The following EIF4E3 variants were observed in gnomAD, a reference collection of about 807,000 sequenced individuals.
EIF4E3 encodes eukaryotic translation initiation factor 4E type 3.
EIF4E3 carries 26 observed loss-of-function variants against 31.7 expected under a neutral mutation model. The observed-to-expected ratio is 0.82, with a 90% CI of 0.60 to 1.14. The LOEUF (loss-of-function observed/expected upper bound fraction) is 1.14, where lower values mean the gene tolerates loss of function less well. EIF4E3 is among the 50% of genes most tolerant of loss of function. EIF4E3 has a pLI of 0.00. For missense variants in EIF4E3, 304 were observed against 270.9 expected (o/e 1.12, Z -0.86); for synonymous variants, 128 against 107.7 (o/e 1.19, Z -1.17).
the EIF4E3 span, among the ~76,000 whole-genome samples, chr3:71,667,572 G>T: frequency 3.3e-5 from 5 of 152,052 alleles, no homozygotes; most frequent in Admixed American, 2.6e-4. Flanking sequence ...ATACAAAATC[G>T]ATGTGCAAAA....
rs1193205498 is a variant in EIF4E3 at position 71,725,293 on chromosome 3, G to GGCA, written c.72_74dup (p.Ala27dup). The GGCA allele has an allele frequency of 1.0e-6, 1 of 1,000,564 alleles. No individual in the cohort carries two copies. Among genetic ancestry groups the GGCA allele is most frequent in the African/African-American group, 1.8e-5 (1 of 56,890 alleles). The allele number at this position is 1,000,564 out of a possible 1,614,324, so 62.0% of individuals were successfully genotyped here. A position where few individuals can be genotyped will look rare whatever the true frequency, so the allele number is the denominator to read the frequency against. On this transcript the variant is annotated inframe_insertion, in exon 1 of 7. Coordinates refer to ENST00000425534, the MANE Select transcript of EIF4E3 (RefSeq NM_001134651.2). This position sits in a 1 kb window ranked among gnomAD's most constrained non-coding sequence, Gnocchi z 6.1. ...GGCCGAGCGGCGGCTCGGGGGCGGC[G>GGCA]GCAGCGGCGGCGGCGCGGGACCCCG...
the EIF4E3 span, among the ~76,000 whole-genome samples, chr3:71,665,807 A>C: frequency 6.6e-5 from 10 of 152,220 alleles, no homozygotes; most frequent in Non-Finnish European, 1.0e-4. Flanking sequence ...ACTGAAAACC[A>C]CACAACTACA....
chr3:71,704,784 A>G (rs1578352812), intron 2 of EIF4E3, among the ~76,000 whole-genome samples: 1 of 152,206 alleles, frequency 6.6e-6, no homozygotes. Flanking sequence ...ATTAGAAGAG[A>G]CCCAGTTTCA....
In EIF4E3 at chr3:71,705,032, C is replaced by A. The variant is rs115690877; in HGVS notation, c.250-5324G>T. 8.6e-3 allele frequency among the ~76,000 whole-genome samples: 1,313 copies of A among 152,300 alleles called. 16 individuals are homozygous for A. The highest frequency in any genetic ancestry group is 0.03 in the African/African-American group (1,252 of 41,534). On this transcript the variant is annotated intron_variant, in intron 2 of 6. Coordinates refer to ENST00000425534, the MANE Select transcript of EIF4E3 (RefSeq NM_001134651.2). ...GATGCAAAGTCTGTGCTAGACAGAA[C>A]TATGAAGTGGACCTGGCTGCAGGTC...
chr3:71,754,703 C>A, upstream of EIF4E3: 1 of 1,489,086 alleles, frequency 6.7e-7, no homozygotes, highest in Admixed American at 2.1e-5. This position sits in a 1 kb window ranked among gnomAD's most constrained non-coding sequence, Gnocchi z 5.8. Flanking sequence ...GGCCCGCGCG[C>A]CTGGTGCCCG....
At chr3:71,727,038 C>A (rs575556515), upstream of EIF4E3, among the ~76,000 whole-genome samples, 6 of 152,082 alleles carry the variant, frequency 3.9e-5, no homozygotes, top group Admixed American at 1.3e-4. Context: ...TTAAGATAAC[C>A]CCAAGGTCAC....
At chr3:71,671,617 G>T (rs914709911), downstream of EIF4E3, among the ~76,000 whole-genome samples, 9 of 152,074 alleles carry the variant, frequency 5.9e-5, no homozygotes, top group African/African-American at 2.2e-4. Context: ...ACTTCACTCC[G>T]CATACTTAAC....
chr3:71,703,004 G>T (rs1461515766), intron 2 of EIF4E3, among the ~76,000 whole-genome samples: 2 of 152,204 alleles, frequency 1.3e-5, no homozygotes, highest in Non-Finnish European at 2.9e-5. Context: ...ATAGATTTCA[G>T]AAGCCTTTAG....
intron 1 of EIF4E3, among the ~76,000 whole-genome samples, chr3:71,739,477 C>A (rs2049798278): frequency 6.6e-6 from 1 of 151,954 alleles, no homozygotes; most frequent in Non-Finnish European, 1.5e-5. Context: ...CAGAGGATCA[C>A]CTGAGGCTAT....
chr3:71,717,851 T>C (rs779150901), intron 1 of EIF4E3, among the ~76,000 whole-genome samples: 5 of 152,250 alleles, frequency 3.3e-5, no homozygotes, highest in Non-Finnish European at 7.3e-5. Context: ...TGGATAATTA[T>C]GTACAGTATC....
the EIF4E3 span, among the ~76,000 whole-genome samples, chr3:71,659,531 C>T: frequency 6.6e-6 from 1 of 152,156 alleles, no homozygotes; most frequent in Non-Finnish European, 1.5e-5. Flanking sequence ...CTGAATGGGC[C>T]ATGAGTTGAG....
At chr3:71,742,130 T>A (rs1204702960) in intron 1 of EIF4E3, among the ~76,000 whole-genome samples, 1 of 151,750 alleles carries the variant, frequency 6.6e-6, no homozygotes, top group African/African-American at 2.4e-5. Context: ...ATTAAATAGA[T>A]CAAAGGAGAT....
intron 2 of EIF4E3, among the ~76,000 whole-genome samples, chr3:71,702,084 T>G (rs1005920146): frequency 6.6e-6 from 1 of 152,210 alleles, no homozygotes. Context: ...TCAGCTATTT[T>G]CTTCGAAGAT....
In EIF4E3 at chr3:71,684,224, A is replaced by G; in HGVS notation, c.*458T>C. On this transcript the variant is annotated 3_prime_UTR_variant, in exon 7 of 7. Transcript: ENST00000425534. ...ATCAGAAGACAGATTTCTCCAAGCT[A>G]GTGTTCCTCCTTGTACAGTGTGGTA... is the stretch of plus-strand genomic sequence containing the variant. 1 of 153,660 alleles carries G rather than the reference A, an allele frequency of 6.5e-6. No individual in the cohort carries two copies. Among genetic ancestry groups the G allele is most frequent in the East Asian group, 1.9e-4 (1 of 5,222 alleles). 9.5% of individuals were successfully genotyped at this position (153,660 alleles called of 1,614,324 possible).
upstream of EIF4E3, chr3:71,754,283 G>T (rs1471102463): frequency 3.4e-6 from 4 of 1,159,686 alleles, no homozygotes; most frequent in African/African-American, 3.3e-5. This position sits in a 1 kb window ranked among gnomAD's most constrained non-coding sequence, Gnocchi z 5.8. Flanking sequence ...TCATGCTGGC[G>T]GCGCGGCGTG....
At position 71,679,538 on chromosome 3, in the gene EIF4E3, G is replaced by A. The variant is rs1297293640; in HGVS notation, c.*5144C>T. ...ACACAAAAGCATAGAATATCCAAAA[G>A]CTATTGTATTGGATATTCTAATAAG... On this transcript the variant is annotated 3_prime_UTR_variant, in exon 7 of 7. Transcript: ENST00000425534. 1.3e-5 allele frequency: 2 copies of A among 151,986 alleles called. No homozygotes were observed. Among genetic ancestry groups the A allele is most frequent in the African/African-American group, 4.8e-5 (2 of 41,364 alleles). The allele number at this position is 151,986 out of a possible 1,614,324, so 9.4% of individuals were successfully genotyped here.
At chr3:71,720,437 C>T (rs559475521) in intron 1 of EIF4E3, among the ~76,000 whole-genome samples, 22 of 152,196 alleles carry the variant, frequency 1.4e-4, no homozygotes, top group Non-Finnish European at 4.4e-5. Flanking sequence ...TCAAGAGATC[C>T]TCCCTCCTCA....
chr3:71,739,023 T>A (rs2049793867), intron 1 of EIF4E3, among the ~76,000 whole-genome samples: 1 of 136,270 alleles, frequency 7.3e-6, no homozygotes, highest in Non-Finnish European at 1.6e-5. Context: ...AAAAAGGAAG[T>A]CTCAAAGAAA....
At chr3:71,672,205 C>A (rs1441098153), downstream of EIF4E3, among the ~76,000 whole-genome samples, 1 of 152,106 alleles carries the variant, frequency 6.6e-6, no homozygotes, top group Non-Finnish European at 1.5e-5. Flanking sequence ...TGGGCTCTCT[C>A]TAACATTTGC....
Sources: gnomAD v4.1 joint callset for allele counts (sites outside exome capture counted in the v4.1 genomes callset) on GRCh38, gnomAD v4.1.1 for gene constraint, Gnocchi (gnomAD v3.1) non-coding constraint, MANE v1.5 for transcripts, NCBI Gene and HGNC (gene_info 2026-07-23, HGNC 2026-07-21) for gene names.